The following TM9SF3 variants were observed in gnomAD, a reference collection of about 807,000 sequenced individuals.
The protein encoded by TM9SF3 is transmembrane 9 superfamily member 3.
A neutral mutation model predicts 78.6 loss-of-function variants in TM9SF3; 14 were observed. The ratio of observed to expected loss-of-function variants is 0.18; its 90% CI spans 0.12 to 0.28. TM9SF3 has a LOEUF of 0.28. TM9SF3 is among the 10% of genes least tolerant of loss of function. The pLI, the probability that TM9SF3 is intolerant of heterozygous loss-of-function variation, is 1.00. For missense variants in TM9SF3, 496 were observed against 721.9 expected, an observed-to-expected ratio of 0.69 and a Z score of 3.59; for synonymous variants, 231 against 241.7, an observed-to-expected ratio of 0.96 and a Z score of 0.41.
chr10:96,559,575 G>A (rs888478418), intron 5 of TM9SF3, 84 bp downstream of exon 5: 74 of 959,554 alleles, frequency 7.7e-5, no homozygotes, highest in Non-Finnish European at 6.2e-6. Flanking sequence ...CCTCAACACA[G>A]TGCCCTGCAA....
intron 2 of TM9SF3, among the ~76,000 whole-genome samples, chr10:96,573,565 T>A (rs1202590727): frequency 6.6e-6 from 1 of 152,226 alleles, no homozygotes; most frequent in East Asian, 1.9e-4. Flanking sequence ...CTTCTTTTTT[T>A]AATCTGAAAG....
chr10:96,553,310 T>C (rs1341981980), intron 5 of TM9SF3, among the ~76,000 whole-genome samples: 2 of 152,214 alleles, frequency 1.3e-5, no homozygotes, highest in Non-Finnish European at 2.9e-5. Flanking sequence ...AAATCAAATT[T>C]ATTGTTAAAA....
Position 96,573,760 on chromosome 10 carries a change from A to G in TM9SF3, c.298+2874T>C, listed in dbSNP as rs542865552. 1.5e-3 allele frequency among the ~76,000 whole-genome samples: 223 copies of G among 152,328 alleles called. 1 individual carries two copies. Among genetic ancestry groups the G allele is most frequent in the South Asian group, 4.6e-3 (22 of 4,828 alleles). On this transcript the variant is annotated intron_variant, in intron 2 of 14. Coordinates refer to ENST00000371142, the MANE Select transcript of TM9SF3 (RefSeq NM_020123.4). ...CAACAGAACAGAACAGAGCCCTCAG[A>G]AATAACACCACACATCTACAACCAT... is the stretch of plus-strand genomic sequence containing the variant.
At chr10:96,527,981 T>C (rs1356927043) in intron 12 of TM9SF3, 50 bp downstream of exon 12, 2 of 1,555,706 alleles carry the variant, frequency 1.3e-6, no homozygotes, top group African/African-American at 1.4e-5. Flanking sequence ...GGAAATCTTA[T>C]TTTAAAATAT....
chr10:96,555,596 G>A (rs1316797081), intron 5 of TM9SF3, among the ~76,000 whole-genome samples: 3 of 152,174 alleles, frequency 2.0e-5, no homozygotes, highest in African/African-American at 4.8e-5. Flanking sequence ...GAGGTTTCAG[G>A]AACGAGATAA....
At chr10:96,535,509 G>T (rs1052505633) in intron 9 of TM9SF3, among the ~76,000 whole-genome samples, 4 of 152,126 alleles carry the variant, frequency 2.6e-5, no homozygotes, top group Admixed American at 6.5e-5. Flanking sequence ...TACTTAATTT[G>T]CAAAATATAC....
chr10:96,530,586 C>A lies in TM9SF3; in HGVS notation c.1348G>T (p.Val450Phe). The A allele has an allele frequency of 6.2e-7, 1 of 1,612,456 alleles. No homozygotes were observed. Among genetic ancestry groups the A allele is most frequent in the Non-Finnish European group, 8.5e-7 (1 of 1,179,212 alleles). Residue 450 changes from valine (V) to phenylalanine (F), a missense_variant, in exon 11 of 15, where the codon GTT (valine) becomes TTT (phenylalanine). Coordinates refer to ENST00000371142, the MANE Select transcript of TM9SF3 (RefSeq NM_020123.4). ...AAAGGTAAAATTCCACCCAGGCAAACAATAACCGCAGGCTCCATGAACCTG... is the reference window on the plus strand; with the variant it reads ...AAAGGTAAAATTCCACCCAGGCAAAAAATAACCGCAGGCTCCATGAACCTG... ...KKWFMEPAVI[V>F]CLGGILPFGS...
chr10:96,570,994 T>C (rs967229260), intron 2 of TM9SF3, among the ~76,000 whole-genome samples: 3 of 152,098 alleles, frequency 2.0e-5, no homozygotes, highest in African/African-American at 7.2e-5. Flanking sequence ...CCGCCTCGGC[T>C]TCCCAAAGTG....
chr10:96,575,877 A>G (rs1013240993), intron 2 of TM9SF3, among the ~76,000 whole-genome samples: 12 of 152,234 alleles, frequency 7.9e-5, no homozygotes, highest in African/African-American at 2.9e-4. Flanking sequence ...CTGTGCAGGA[A>G]ATACACTCTC....
At chr10:96,581,550 A>G (rs1471606015) in intron 1 of TM9SF3, among the ~76,000 whole-genome samples, 2 of 152,246 alleles carry the variant, frequency 1.3e-5, no homozygotes, top group Non-Finnish European at 2.9e-5. Flanking sequence ...TCTCTCAAAA[A>G]TAGCTTTGTA....
At position 96,530,594 on chromosome 10, in the gene TM9SF3, G is replaced by A. The variant is rs138586600; in HGVS notation, c.1340C>T (p.Ala447Val). 3.4e-5 allele frequency: 55 copies of A among 1,611,572 alleles called. No homozygotes were observed. The East Asian group carries it at 9.4e-4, about 28-fold the overall frequency. The change falls in exon 11 of 15, where the codon GCG becomes GTG. Residue 447 changes from alanine to valine, a missense_variant. Ala to Val is a moderately conservative substitution (Grantham distance 64). Coordinates refer to ENST00000371142, the MANE Select transcript of TM9SF3 (RefSeq NM_020123.4). ...AATTCCACCCAGGCAAACAATAACCGCAGGCTCCATGAACCTGGAAAATAT... is the reference window on the plus strand; with the variant it reads ...AATTCCACCCAGGCAAACAATAACCACAGGCTCCATGAACCTGGAAAATAT... Reference protein sequence around the residue: ...IPEKKWFMEPAVIVCLGGILP... With the variant: ...IPEKKWFMEPVVIVCLGGILP...
At chr10:96,548,761 G>A (rs994708167) in intron 7 of TM9SF3, among the ~76,000 whole-genome samples, 4 of 131,054 alleles carry the variant, frequency 3.1e-5, no homozygotes, top group Admixed American at 9.3e-5. Flanking sequence ...ACGCGTCACT[G>A]CACTCCAGCC....
chr10:96,527,354 A>G, intron 13 of TM9SF3, 59 bp downstream of exon 13: 1 of 1,584,678 alleles, frequency 6.3e-7, no homozygotes, highest in African/African-American at 1.4e-5. Flanking sequence ...CTTAAATATT[A>G]GTATTTAAAG....
intron 8 of TM9SF3, among the ~76,000 whole-genome samples, chr10:96,547,384 C>T (rs550673556): frequency 1.3e-5 from 2 of 152,270 alleles, no homozygotes; most frequent in Admixed American, 1.3e-4. Context: ...ACATGTTCCT[C>T]AGGGCAAATT....
At chr10:96,530,629 T>A (rs768103100) in intron 10 of TM9SF3, 21 bp from the exon 11 acceptor site, 5 of 1,592,708 alleles carry the variant, frequency 3.1e-6, no homozygotes, top group Non-Finnish European at 4.3e-6. Context: ...TTAAAATTAA[T>A]AGTAAACTTC....
intron 9 of TM9SF3, among the ~76,000 whole-genome samples, chr10:96,537,921 G>A (rs189318340): frequency 4.6e-4 from 70 of 152,282 alleles, no homozygotes; most frequent in African/African-American, 1.6e-3. Context: ...GATATACTCT[G>A]CTCATTAATC....
rs1383204655 is a variant in TM9SF3 at position 96,540,818 on chromosome 10, C to T, written c.1185+3258G>A. ...TTGAGATGGAGTCTCACTCTTGTTGCCCAGGCTGGAGTGCAGTGGCACGAT... is the reference window on the plus strand; with the variant it reads ...TTGAGATGGAGTCTCACTCTTGTTGTCCAGGCTGGAGTGCAGTGGCACGAT... On this transcript the variant is annotated intron_variant, in intron 9 of 14. Coordinates refer to ENST00000371142, the MANE Select transcript of TM9SF3 (RefSeq NM_020123.4). Among the ~76,000 whole-genome samples the T allele has an allele frequency of 4.2e-5, 5 of 117,990 alleles. No individual in the cohort carries two copies. In the Admixed American group the frequency reaches 4.5e-4, roughly 11 times the overall value. The allele number at this position is 117,990 out of a possible 152,430, so 77.4% of individuals were successfully genotyped here.
chr10:96,555,498 T>C (rs564938808), intron 5 of TM9SF3, among the ~76,000 whole-genome samples: 54 of 152,320 alleles, frequency 3.5e-4, no homozygotes, highest in African/African-American at 1.3e-3. Context: ...TGCATTGCTG[T>C]GTATGATTAG....
chr10:96,553,972 G>C (rs1044676238), intron 5 of TM9SF3, among the ~76,000 whole-genome samples: 1 of 152,044 alleles, frequency 6.6e-6, no homozygotes, highest in South Asian at 2.1e-4. Context: ...CATCCTTTCT[G>C]CTGCCTTCCC....
Sources: gnomAD v4.1 joint callset for allele counts (sites outside exome capture counted in the v4.1 genomes callset) on GRCh38, gnomAD v4.1.1 for gene constraint, MANE v1.5 for transcripts, NCBI Gene and HGNC (gene_info 2026-07-23, HGNC 2026-07-21) for gene names.